SMAP1: variants seen among roughly 807,000 people sequenced by gnomAD.
SMAP1 encodes the protein stromal membrane-associated protein 1.
SMAP1 carries 24 observed loss-of-function variants against 58.5 expected under a neutral mutation model. The observed-to-expected ratio is 0.41, with a 90% confidence interval of 0.30 to 0.58. The LOEUF (loss-of-function observed/expected upper bound fraction) is 0.58. SMAP1 is among the 20% of genes least tolerant of loss of function. SMAP1 has a pLI of 0.29. For missense variants in SMAP1, 563 were observed against 566.3 expected (o/e 0.99, Z 0.06); for synonymous variants, 216 against 196.6 (o/e 1.10, Z -0.82).
chr6:70,687,598 A>C (rs1163595233), intron 1 of SMAP1, among the ~76,000 whole-genome samples: 4 of 152,160 alleles, frequency 2.6e-5, no homozygotes, highest in Admixed American at 2.6e-4. Flanking sequence ...GGATGGAAGG[A>C]AAGCTATGAA....
At chr6:70,785,961 C>A (rs2149933067) in intron 4 of SMAP1, among the ~76,000 whole-genome samples, 1 of 149,702 alleles carries the variant, frequency 6.7e-6, no homozygotes, top group South Asian at 2.2e-4. Context: ...ATGAGGCCAG[C>A]ATCATCCTGA....
intron 6 of SMAP1, among the ~76,000 whole-genome samples, chr6:70,836,289 G>A (rs977739429): frequency 1.3e-5 from 2 of 152,170 alleles, no homozygotes; most frequent in Non-Finnish European, 2.9e-5. Flanking sequence ...TTATGTGAAT[G>A]GCAGCAGGCA....
chr6:70,762,846 G>A (rs1369807476), intron 3 of SMAP1, among the ~76,000 whole-genome samples: 2 of 151,914 alleles, frequency 1.3e-5, no homozygotes, highest in Non-Finnish European at 2.9e-5. Context: ...ACAGAAGTGA[G>A]ACTCTCAACT....
chr6:70,836,940 G>C lies in SMAP1; in HGVS notation c.577-1G>C. 6.4e-7 allele frequency: 1 copy of C among 1,571,906 alleles called. No individual in the cohort carries two copies. Among genetic ancestry groups the C allele is most frequent in the Non-Finnish European group, 8.6e-7 (1 of 1,162,978 alleles). On this transcript the variant is annotated splice_acceptor_variant, in intron 6 of 10. Transcript: ENST00000370455. LOFTEE classifies it high-confidence loss of function. The stretch of plus-strand genomic sequence containing the variant: ...AATAAATCCAATTATTTACTTTAAA[G>C]CTGCAGAAGAAAGATCAGCAACTGG...
chr6:70,743,090 T>A (rs1261587470), intron 2 of SMAP1, among the ~76,000 whole-genome samples: 1 of 152,206 alleles, frequency 6.6e-6, no homozygotes, highest in African/African-American at 2.4e-5. Flanking sequence ...CTTCCTGTGC[T>A]TTTCTCAGAT....
intron 4 of SMAP1, among the ~76,000 whole-genome samples, chr6:70,781,959 G>T (rs1192985324): frequency 6.6e-6 from 1 of 152,154 alleles, no homozygotes; most frequent in Non-Finnish European, 1.5e-5. Flanking sequence ...TTGAAGGAAG[G>T]ACTGTTAAAC....
At chr6:70,814,263 T>C (rs1053605936) in intron 6 of SMAP1, among the ~76,000 whole-genome samples, 1 of 152,102 alleles carries the variant, frequency 6.6e-6, no homozygotes, top group Non-Finnish European at 1.5e-5. Context: ...AAATAGAGAC[T>C]CTCTCTTTTG....
chr6:70,674,781 C>G (rs757408717), intron 1 of SMAP1, among the ~76,000 whole-genome samples: 6 of 152,016 alleles, frequency 3.9e-5, no homozygotes, highest in African/African-American at 1.5e-4. Flanking sequence ...TGAGGCCACC[C>G]CTGGCCAACA....
chr6:70,833,815 C>A (rs1770460214), intron 6 of SMAP1, among the ~76,000 whole-genome samples: 1 of 151,952 alleles, frequency 6.6e-6, no homozygotes, highest in Non-Finnish European at 1.5e-5. Context: ...TCGTTGTGGC[C>A]CATAAAATAG....
chr6:70,733,884 T>A (rs1288326857), intron 2 of SMAP1, among the ~76,000 whole-genome samples: 1 of 152,126 alleles, frequency 6.6e-6, no homozygotes, highest in Non-Finnish European at 1.5e-5. Flanking sequence ...TGAGAGGAAA[T>A]GAATAGCAAA....
chr6:70,722,813 G>GT (rs1768589628), intron 1 of SMAP1, among the ~76,000 whole-genome samples: 1 of 152,238 alleles, frequency 6.6e-6, no homozygotes, highest in African/African-American at 2.4e-5. Flanking sequence ...CCTTTAAGCG[G>GT]TTTTCCACGC....
chr6:70,757,174 T>C (rs541952875), intron 3 of SMAP1, among the ~76,000 whole-genome samples: 169 of 151,018 alleles, frequency 1.1e-3, no homozygotes, highest in African/African-American at 3.9e-3. Flanking sequence ...AACAGAGATA[T>C]AGATCAATGG....
intron 4 of SMAP1, among the ~76,000 whole-genome samples, chr6:70,777,238 A>G (rs1307510792): frequency 1.3e-5 from 2 of 152,108 alleles, no homozygotes; most frequent in African/African-American, 4.8e-5. Context: ...GGCACTCCCT[A>G]GTGAGATGAA....
At chr6:70,765,177 C>T (rs148595209) in intron 3 of SMAP1, among the ~76,000 whole-genome samples, 16 of 152,294 alleles carry the variant, frequency 1.1e-4, no homozygotes, top group Non-Finnish European at 2.2e-4. Context: ...GTCCAGCTTG[C>T]GTCCCTGGCC....
At chr6:70,700,498 A>G (rs1341919853) in intron 1 of SMAP1, among the ~76,000 whole-genome samples, 1 of 152,130 alleles carries the variant, frequency 6.6e-6, no homozygotes, top group Non-Finnish European at 1.5e-5. Flanking sequence ...GAGTTTCACC[A>G]TGTTGGCCAG....
chr6:70,757,418 A>G, intron 3 of SMAP1, among the ~76,000 whole-genome samples: 1 of 152,022 alleles, frequency 6.6e-6, no homozygotes, highest in African/African-American at 2.4e-5. Context: ...TAAAAACCCT[A>G]GAAGAAAACC....
Position 70,790,120 on chromosome 6 carries a change from A to G in SMAP1, c.415-1569A>G, listed in dbSNP as rs369072245. On this transcript the variant is annotated intron_variant, in intron 4 of 10. Coordinates refer to ENST00000370455, the MANE Select transcript of SMAP1 (RefSeq NM_001044305.3). Reference sequence around the variant, plus strand: ...TATGATACAGCTATCTTCTAAAGTGATCGTACGGCTTTTTATTCTTTTTAT... The same window carrying G: ...TATGATACAGCTATCTTCTAAAGTGGTCGTACGGCTTTTTATTCTTTTTAT... Among the ~76,000 whole-genome samples, 4 of 152,224 alleles carry G rather than the reference A, an allele frequency of 2.6e-5. No individual in the cohort carries two copies. The South Asian group carries it at 8.3e-4, about 32-fold the overall frequency.
intron 3 of SMAP1, 118 bp from the exon 4 acceptor site, chr6:70,773,232 G>A (rs1323663134): frequency 9.7e-6 from 6 of 618,322 alleles, no homozygotes; most frequent in South Asian, 8.1e-5. Flanking sequence ...GTGAAAGAGA[G>A]CACAGATTGA....
intron 1 of SMAP1, among the ~76,000 whole-genome samples, chr6:70,722,613 G>T (rs1269032644): frequency 6.6e-6 from 1 of 152,184 alleles, no homozygotes; most frequent in East Asian, 1.9e-4. Flanking sequence ...AGAGCTGAGA[G>T]CCCCAAACAG....
Sources: allele counts gnomAD v4.1 joint callset (sites outside exome capture counted in the v4.1 genomes callset), GRCh38; gene constraint gnomAD v4.1.1; transcripts MANE v1.5; gene names NCBI Gene and HGNC (gene_info 2026-07-23, HGNC 2026-07-21).